Variants in GPHN observed in about 807,000 individuals in gnomAD.
The protein encoded by GPHN is gephyrin.
GPHN carries 17 observed loss-of-function variants against 95.5 expected under a neutral mutation model. The ratio of observed to expected loss-of-function variants is 0.18; its 90% CI spans 0.12 to 0.27. The LOEUF is 0.27. GPHN is among the 10% of genes least tolerant of loss of function. GPHN has a pLI of 1.00. For synonymous variants in GPHN, 320 were observed against 322.5 expected, an observed-to-expected ratio of 0.99 and a Z score of 0.08; for missense variants, 660 against 978.1, an observed-to-expected ratio of 0.67 and a Z score of 4.34.
chr14:66,779,264 G>C (rs2059517053), intron 3 of GPHN, among the ~76,000 whole-genome samples: 1 of 152,086 alleles, frequency 6.6e-6, no homozygotes, highest in Non-Finnish European at 1.5e-5. Context: ...ATTTTAGCTA[G>C]GAGGAACTTT....
chr14:67,429,219 G>A, the GPHN span, among the ~76,000 whole-genome samples: 1 of 151,182 alleles, frequency 6.6e-6, no homozygotes, highest in Non-Finnish European at 1.5e-5. Flanking sequence ...GGAGGCTGAG[G>A]CAAGTGGACA....
downstream of GPHN, among the ~76,000 whole-genome samples, chr14:67,182,084 C>T (rs191486980): frequency 8.5e-4 from 129 of 152,074 alleles, no homozygotes; most frequent in Non-Finnish European, 1.2e-3. Context: ...AGGAAGGGTA[C>T]TAATGACTTA....
chr14:67,147,889 A>G (rs1480679393), intron 18 of GPHN, among the ~76,000 whole-genome samples: 1 of 152,214 alleles, frequency 6.6e-6, no homozygotes, highest in African/African-American at 2.4e-5. Context: ...GAAACTTTAA[A>G]CAAATCTAAT....
intron 8 of GPHN, among the ~76,000 whole-genome samples, chr14:66,949,616 CAT>C (rs1382859948): frequency 6.6e-6 from 1 of 152,174 alleles, no homozygotes; most frequent in Non-Finnish European, 1.5e-5. Context: ...CTTCTTTGTA[CAT>C]AGGTGCTTTG....
At chr14:67,364,234 GTT>G in the GPHN span, 1 of 152,086 alleles carries the variant, frequency 6.6e-6, no homozygotes, top group Non-Finnish European at 1.5e-5. Context: ...AGTTTTTGTT[GTT>G]TTGACATGTG....
intron 2 of GPHN, among the ~76,000 whole-genome samples, chr14:66,747,293 A>C (rs916779456): frequency 1.3e-5 from 2 of 152,132 alleles, no homozygotes; most frequent in Non-Finnish European, 2.9e-5. Context: ...TATTGTTGAT[A>C]CAATTGTCAG....
intron 9 of GPHN, among the ~76,000 whole-genome samples, chr14:67,022,371 G>A (rs1398217305): frequency 6.6e-6 from 1 of 151,072 alleles, no homozygotes; most frequent in Non-Finnish European, 1.5e-5. Context: ...TTTTCTTTAA[G>A]CAGTCATTGA....
At chr14:66,981,812 A>G (rs527349161) in intron 9 of GPHN, among the ~76,000 whole-genome samples, 17 of 152,308 alleles carry the variant, frequency 1.1e-4, no homozygotes, top group Admixed American at 5.9e-4. Context: ...TCGTTATTCC[A>G]TAGGTAAGAG....
the GPHN span, among the ~76,000 whole-genome samples, chr14:67,478,727 C>T: frequency 4.6e-5 from 7 of 152,112 alleles, no homozygotes; most frequent in African/African-American, 1.4e-4. Flanking sequence ...GCCGGTGAAC[C>T]CTCCTTTAAG....
At chr14:67,382,422 A>T in the GPHN span, 282,725 of 1,596,662 alleles carry the variant, frequency 0.18, 40,833 homozygotes, top group African/African-American at 0.65. Flanking sequence ...ACATTCATAA[A>T]TGAATTTTTG....
the GPHN span, chr14:67,320,469 G>C: frequency 5.8e-6 from 8 of 1,376,408 alleles, no homozygotes; most frequent in Non-Finnish European, 6.7e-6. Flanking sequence ...ATATCATGTA[G>C]GGAAATTTTT....
At chr14:67,562,772 G>A in the GPHN span, 2 of 1,613,846 alleles carry the variant, frequency 1.2e-6, no homozygotes, top group South Asian at 1.1e-5. Context: ...GGAGATGGAG[G>A]AGCCACCCCC....
At chr14:66,645,207 A>G (rs956089155) in intron 1 of GPHN, among the ~76,000 whole-genome samples, 2 of 152,192 alleles carry the variant, frequency 1.3e-5, no homozygotes, top group African/African-American at 4.8e-5. Context: ...CCTGGATAAC[A>G]TGGTACTTAA....
chr14:67,448,921 T>C, the GPHN span, among the ~76,000 whole-genome samples: 1 of 152,212 alleles, frequency 6.6e-6, no homozygotes, highest in Non-Finnish European at 1.5e-5. Context: ...GTGATTCTCT[T>C]CATGGCTGTG....
the GPHN span, among the ~76,000 whole-genome samples, chr14:67,621,454 CTTT>C: frequency 6.9e-6 from 1 of 145,512 alleles, no homozygotes; most frequent in Non-Finnish European, 1.5e-5. Context: ...TTTCCGTGTT[CTTT>C]TTTTTTTTCT....
chr14:67,367,653 A>G, the GPHN span, among the ~76,000 whole-genome samples: 18 of 139,974 alleles, frequency 1.3e-4, no homozygotes, highest in African/African-American at 5.3e-4. Flanking sequence ...CTGGGGCAAC[A>G]TGGCAAAACC....
chr14:67,188,194 C>T, the GPHN span, among the ~76,000 whole-genome samples: 1 of 152,180 alleles, frequency 6.6e-6, no homozygotes, highest in African/African-American at 2.4e-5. Context: ...TCACGGACCT[C>T]ACTTTGACAA....
At position 66,783,143 on chromosome 14, in the gene GPHN, C is replaced by T. The variant is rs1169292401; in HGVS notation, c.201+6622C>T. ...TGGCTTTTCAGCAATATTTGCCCTA[C>T]TACAGCTAAGCACCAATGGAAAAAC... On this transcript the variant is annotated intron_variant, in intron 3 of 22. Transcript: ENST00000478722. 5.9e-5 allele frequency among the ~76,000 whole-genome samples: 9 copies of T among 152,286 alleles called. No homozygotes were observed. In the East Asian group the frequency reaches 1.2e-3, roughly 20 times the overall value.
intron 12 of GPHN, among the ~76,000 whole-genome samples, chr14:67,094,006 C>T (rs139669737): frequency 0.013 from 2,012 of 152,184 alleles, 23 homozygotes; most frequent in Non-Finnish European, 0.02. Context: ...TTTCCTAGGA[C>T]CTCTGAAAGT....
Sources: gnomAD v4.1 joint callset for allele counts (sites outside exome capture counted in the v4.1 genomes callset) on GRCh38, gnomAD v4.1.1 for gene constraint, MANE v1.5 for transcripts, NCBI Gene and HGNC (gene_info 2026-07-23, HGNC 2026-07-21) for gene names.